Variants in MBD5 observed in about 807,000 individuals in gnomAD.
MBD5 encodes the protein methyl-CpG-binding domain protein 5.
Under a neutral mutation model 117.3 loss-of-function variants are expected in MBD5, and 13 were observed. The observed-to-expected ratio is 0.11, with a 90% CI of 0.07 to 0.18. MBD5 has a LOEUF of 0.18. Ranked by LOEUF, MBD5 falls within the 10% of genes least tolerant of loss-of-function variation. MBD5 has a pLI of 1.00. For synonymous variants in MBD5, 727 were observed against 766.4 expected, an observed-to-expected ratio of 0.95 and a Z score of 0.85; for missense variants, 1,879 against 2,093.8, an observed-to-expected ratio of 0.90 and a Z score of 2.00.
chr2:148,458,163 A>G (rs914427933), intron 4 of MBD5, 40 bp from the exon 5 acceptor site: 37 of 398,306 alleles, frequency 9.3e-5, no homozygotes, highest in Non-Finnish European at 1.5e-4. Context: ...TCAGTTTTCA[A>G]CATTAAATAT....
At chr2:148,425,012 G>A (rs1202941836) in intron 4 of MBD5, among the ~76,000 whole-genome samples, 1 of 152,120 alleles carries the variant, frequency 6.6e-6, no homozygotes, top group East Asian at 1.9e-4. Flanking sequence ...AAAGCTAGCA[G>A]AAGACAAGAA....
At chr2:148,096,463 T>G (rs1696070966) in intron 1 of MBD5, among the ~76,000 whole-genome samples, 2 of 152,190 alleles carry the variant, frequency 1.3e-5, no homozygotes, top group African/African-American at 4.8e-5. Context: ...TAGAAAGTGA[T>G]GTACATCTCT....
intron 1 of MBD5, among the ~76,000 whole-genome samples, chr2:148,152,849 G>A (rs1410771114): frequency 1.3e-5 from 2 of 151,580 alleles, no homozygotes; most frequent in Non-Finnish European, 2.9e-5. Flanking sequence ...ACGTGAGATG[G>A]GTTTACTGAA....
chr2:148,416,875 G>A (rs1360197741), intron 4 of MBD5, among the ~76,000 whole-genome samples: 1 of 152,026 alleles, frequency 6.6e-6, no homozygotes, highest in African/African-American at 2.4e-5. Context: ...GTGGTATTTG[G>A]TTTTTGATTT....
At chr2:148,382,907 T>C (rs9677464) in intron 4 of MBD5, among the ~76,000 whole-genome samples, 111,162 of 149,914 alleles carry the variant, frequency 0.74, 41,943 homozygotes, top group African/African-American at 0.89. Flanking sequence ...TTGAAACCAA[T>C]GAGAACAAAG....
chr2:148,316,234 C>T (rs538226736), intron 3 of MBD5, among the ~76,000 whole-genome samples: 1 of 152,206 alleles, frequency 6.6e-6, no homozygotes, highest in East Asian at 1.9e-4. Flanking sequence ...GGACACAAAT[C>T]CAAATCACAA....
intron 4 of MBD5, among the ~76,000 whole-genome samples, chr2:148,387,959 T>A (rs913915435): frequency 3.3e-5 from 5 of 152,030 alleles, no homozygotes; most frequent in African/African-American, 1.2e-4. Flanking sequence ...CAGTGAAAAA[T>A]CCTAACAGGG....
intron 1 of MBD5, among the ~76,000 whole-genome samples, chr2:148,031,671 C>CA (rs1325513635): frequency 5.9e-5 from 9 of 151,864 alleles, no homozygotes; most frequent in African/African-American, 2.4e-5. Context: ...ATTATTTGCA[C>CA]AAAAAATAAG....
At chr2:148,263,057 G>T (rs1700769466) in intron 3 of MBD5, among the ~76,000 whole-genome samples, 1 of 152,202 alleles carries the variant, frequency 6.6e-6, no homozygotes. Context: ...TTGACTAGGT[G>T]AAAAGTTGAT....
intron 1 of MBD5, chr2:148,070,885 T>C (rs1695333472): frequency 1.3e-5 from 2 of 151,602 alleles, no homozygotes; most frequent in Admixed American, 1.3e-4. Context: ...GGAGTCTCGC[T>C]CTTGTCACCA....
intron 4 of MBD5, among the ~76,000 whole-genome samples, chr2:148,378,971 T>C (rs10205611): frequency 0.39 from 59,755 of 151,706 alleles, 12,335 homozygotes; most frequent in East Asian, 0.65. Flanking sequence ...ACACAGAACA[T>C]AGCATAGAAA....
intron 4 of MBD5, among the ~76,000 whole-genome samples, chr2:148,350,350 ACAGT>A (rs1160551037): frequency 1.3e-5 from 2 of 152,038 alleles, no homozygotes; most frequent in Non-Finnish European, 2.9e-5. Context: ...ACCTACAGCA[ACAGT>A]CAATGTGTTC....
rs553557816 is a variant in MBD5, at chr2:148,144,622, G to C, written c.-924-34078G>C. Among the ~76,000 whole-genome samples the C allele has an allele frequency of 8.3e-3, 1,266 of 152,222 alleles. 21 individuals are homozygous for C. The highest frequency in any genetic ancestry group is 0.029 in the African/African-American group (1,192 of 41,522). On this transcript the variant is annotated intron_variant, in intron 1 of 13. Transcript: ENST00000642680. ...TTTAATCCATCTTGAATTAATTTTTGTATAAGGTGTAAGGAAGGGATCCAG... is the reference window on the plus strand; with the variant it reads ...TTTAATCCATCTTGAATTAATTTTTCTATAAGGTGTAAGGAAGGGATCCAG...
intron 3 of MBD5, among the ~76,000 whole-genome samples, chr2:148,259,188 C>A (rs1454910293): frequency 2.6e-5 from 4 of 152,148 alleles, no homozygotes; most frequent in Non-Finnish European, 4.4e-5. Context: ...CTGCCCATAG[C>A]CACTCAATCA....
chr2:148,221,480 A>G (rs1218943405), intron 2 of MBD5, among the ~76,000 whole-genome samples: 2 of 152,138 alleles, frequency 1.3e-5, no homozygotes, highest in Admixed American at 6.5e-5. Context: ...ATGATATCTC[A>G]TTGTAGTTTG....
chr2:148,120,728 A>G (rs1338943548), intron 1 of MBD5, among the ~76,000 whole-genome samples: 1 of 152,170 alleles, frequency 6.6e-6, no homozygotes, highest in African/African-American at 2.4e-5. Context: ...TCTGCAAATA[A>G]AGATTGATTT....
chr2:148,426,003 A>G (rs1705769356), intron 4 of MBD5, among the ~76,000 whole-genome samples: 2 of 152,204 alleles, frequency 1.3e-5, no homozygotes, highest in African/African-American at 2.4e-5. Context: ...CTTATACACC[A>G]ATAACAGACA....
intron 3 of MBD5, among the ~76,000 whole-genome samples, chr2:148,238,996 CA>C (rs1700150560): frequency 6.7e-6 from 1 of 149,110 alleles, no homozygotes; most frequent in Non-Finnish European, 1.5e-5. Context: ...ATAACTCTAT[CA>C]TATATATATA....
intron 3 of MBD5, among the ~76,000 whole-genome samples, chr2:148,328,505 T>A (rs1702533294): frequency 6.6e-6 from 1 of 152,224 alleles, no homozygotes; most frequent in African/African-American, 2.4e-5. Context: ...TCTGTGGGCG[T>A]AGGACCCTCC....
Sources: allele counts gnomAD v4.1 joint callset (sites outside exome capture counted in the v4.1 genomes callset), GRCh38; gene constraint gnomAD v4.1.1; transcripts MANE v1.5; gene names NCBI Gene and HGNC (gene_info 2026-07-23, HGNC 2026-07-21).